Variants in HOXC5 observed in about 807,000 individuals in gnomAD.
HOXC5 encodes homeobox C5.
A neutral mutation model predicts 20.1 loss-of-function variants in HOXC5; 19 were observed. That is an observed-to-expected ratio of 0.94 (90% CI 0.66 to 1.38). The LOEUF is 1.38. Among genes scored for constraint, HOXC5 ranks in the 40% most tolerant of loss-of-function variants. The pLI, the probability that HOXC5 is intolerant of heterozygous loss-of-function variation, is 0.00. For synonymous variants in HOXC5, 124 were observed against 117.0 expected, an observed-to-expected ratio of 1.06 and a Z score of -0.39; for missense variants, 330 against 300.1, an observed-to-expected ratio of 1.10 and a Z score of -0.74.
At position 54,034,570 on chromosome 12, in the gene HOXC5, T is replaced by C; in HGVS notation, c.*78T>C. The stretch of plus-strand genomic sequence containing the variant: ...GCCTTTCCTTTTCGCCTTTCCTCTC[T>C]ATATTTCGGGTCGGGGGCAGGTGCT... On this transcript the variant is annotated 3_prime_UTR_variant, in exon 2 of 2. Coordinates refer to ENST00000312492, the MANE Select transcript of HOXC5 (RefSeq NM_018953.4). 1 of 1,257,284 alleles carries C rather than the reference T, an allele frequency of 8.0e-7. No individual in the cohort carries two copies. Among genetic ancestry groups the C allele is most frequent in the Non-Finnish European group, 1.1e-6 (1 of 884,026 alleles). 77.9% of individuals were successfully genotyped at this position (1,257,284 alleles called of 1,614,324 possible). A position where few individuals can be genotyped will look rare whatever the true frequency, so the allele number is the denominator to read the frequency against.
the HOXC5 span, among the ~76,000 whole-genome samples, chr12:54,023,080 C>A: frequency 6.6e-5 from 10 of 152,188 alleles, no homozygotes; most frequent in Non-Finnish European, 2.9e-5. Context: ...CATCTAAGCT[C>A]TCTCCCCATT....
rs1410369112 is a variant in HOXC5 at position 54,034,392 on chromosome 12, A to G, written c.569A>G (p.Asn190Ser). 17 of 1,614,120 alleles carry G rather than the reference A, an allele frequency of 1.1e-5. No individual in the cohort carries two copies. In the East Asian group the frequency reaches 3.3e-4, roughly 32 times the overall value. ...LTRRRRIEIA[N>S]NLCLNERQIK... is the part of the protein sequence containing the mutation. The stretch of plus-strand genomic sequence containing the variant: ...CGCCGCAGGCGCATAGAGATCGCCA[A>G]CAACTTGTGTCTCAATGAGAGACAG... Residue 190 changes from asparagine to serine, a missense_variant, in exon 2 of 2, where the codon AAC becomes AGC. By Grantham distance (46) the Asn-to-Ser change is conservative. Transcript: ENST00000312492.
chr12:54,034,223 G>A (rs1941113688), intron 1 of HOXC5, 55 bp from the exon 2 acceptor site: 1 of 1,490,794 alleles, frequency 6.7e-7, no homozygotes, highest in South Asian at 1.1e-5. Flanking sequence ...TGGGGACGGG[G>A]GAACGCTGCA....
Position 54,034,585 on chromosome 12 carries a change from G to C in HOXC5, c.*93G>C, listed in dbSNP as rs1277316557. 29 of 1,104,552 alleles carry C rather than the reference G, an allele frequency of 2.6e-5. No homozygotes were observed. The highest frequency in any genetic ancestry group is 3.7e-5 in the Non-Finnish European group (28 of 760,198). The allele number at this position is 1,104,552 out of a possible 1,614,324, so 68.4% of individuals were successfully genotyped here. On this transcript the variant is annotated 3_prime_UTR_variant, in exon 2 of 2. Coordinates refer to ENST00000312492, the MANE Select transcript of HOXC5 (RefSeq NM_018953.4). ...CTTTCCTCTCTATATTTCGGGTCGG[G>C]GGCAGGTGCTGGAGCACTGGGCTCC...
chr12:54,018,843 C>T, the HOXC5 span, among the ~76,000 whole-genome samples: 1 of 152,152 alleles, frequency 6.6e-6, no homozygotes, highest in Non-Finnish European at 1.5e-5. Flanking sequence ...CCCCCTCTAC[C>T]CCCACCCTCT....
chr12:54,034,275 C>A lies in HOXC5; in HGVS notation c.455-3C>A. ...CTGGCTTGGGGTGGGGTTTATGTTC[C>A]AGAGACGGACGGCAAGCGGTCCCGA... On this transcript the variant is annotated splice_region_variant and splice_polypyrimidine_tract_variant and intron_variant, in intron 1 of 1. Coordinates refer to ENST00000312492, the MANE Select transcript of HOXC5 (RefSeq NM_018953.4). 6.2e-7 allele frequency: 1 copy of A among 1,612,906 alleles called. No homozygotes were observed. Among genetic ancestry groups the A allele is most frequent in the Non-Finnish European group, 8.5e-7 (1 of 1,179,730 alleles).
the HOXC5 span, among the ~76,000 whole-genome samples, chr12:54,026,966 G>T: frequency 0.22 from 13,682 of 61,232 alleles, 784 homozygotes; most frequent in East Asian, 0.33. Flanking sequence ...AAAAATGGTG[G>T]GGGGGGGGGG....
upstream of HOXC5, chr12:54,030,143 C>A: frequency 1.7e-6 from 1 of 586,474 alleles, no homozygotes; most frequent in Non-Finnish European, 2.9e-6. Flanking sequence ...CACCGCACAA[C>A]TCTCTTTCAC....
At chr12:54,028,265 A>ATT (rs1422671421), upstream of HOXC5, 541 of 71,388 alleles carry the variant, frequency 7.6e-3, 2 homozygotes, top group African/African-American at 0.023. Context: ...ATATATATAT[A>ATT]TATTTTTTAA....
upstream of HOXC5, among the ~76,000 whole-genome samples, chr12:54,031,843 A>AC (rs1300604320): frequency 1.3e-5 from 2 of 152,094 alleles, no homozygotes; most frequent in Non-Finnish European, 2.9e-5. Context: ...TGCGAAGGCT[A>AC]CCCAGGCGCC....
At chr12:54,029,398 G>GCACCCACCC (rs1940882948), upstream of HOXC5, among the ~76,000 whole-genome samples, 1 of 65,394 alleles carries the variant, frequency 1.5e-5, no homozygotes, top group Non-Finnish European at 2.9e-5. Context: ...TTTGCCTTTT[G>GCACCCACCC]CCCCGCCCCC....
In HOXC5 at chr12:54,033,399, C is replaced by G. The variant is rs755599934; in HGVS notation, c.277C>G (p.Pro93Ala). 2 of 1,611,636 alleles carry G rather than the reference C, an allele frequency of 1.2e-6. No individual in the cohort carries two copies. The highest frequency in any genetic ancestry group is 2.2e-5 in the South Asian group (2 of 90,932). ...GHAPGRDEAAPLNPGMYSQKA... is the reference protein window; with the variant it reads ...GHAPGRDEAAALNPGMYSQKA... ...CGCTCCGGGCAGAGACGAAGCGGCTCCTCTGAACCCCGGGATGTACAGTCA... is the reference window on the plus strand; with the variant it reads ...CGCTCCGGGCAGAGACGAAGCGGCTGCTCTGAACCCCGGGATGTACAGTCA... Residue 93 changes from proline to alanine, a missense_variant, in exon 1 of 2, where the codon CCT becomes GCT. Physicochemically the swap from Pro to Ala is conservative, Grantham distance 27. Coordinates refer to ENST00000312492, the MANE Select transcript of HOXC5 (RefSeq NM_018953.4).
chr12:54,018,123 G>C, the HOXC5 span, among the ~76,000 whole-genome samples: 1 of 152,154 alleles, frequency 6.6e-6, no homozygotes, highest in Non-Finnish European at 1.5e-5. Context: ...TGGAAGGGTG[G>C]GAGGTGCCCT....
upstream of HOXC5, among the ~76,000 whole-genome samples, chr12:54,031,238 G>A (rs541070068): frequency 6.6e-6 from 1 of 152,358 alleles, no homozygotes; most frequent in South Asian, 2.1e-4. Flanking sequence ...CCACTCCCGG[G>A]AGTTGGAGGC....
At chr12:54,023,579 C>T in the HOXC5 span, among the ~76,000 whole-genome samples, 1 of 152,188 alleles carries the variant, frequency 6.6e-6, no homozygotes, top group Non-Finnish European at 1.5e-5. Flanking sequence ...GGGCAGTTCT[C>T]AGCAGCTTAA....
chr12:54,030,142 ACT>A (rs1940927740), upstream of HOXC5: 2 of 560,840 alleles, frequency 3.6e-6, no homozygotes, highest in Admixed American at 3.3e-5. Context: ...TCACCGCACA[ACT>A]CTCTTTCACC....
the HOXC5 span, among the ~76,000 whole-genome samples, chr12:54,026,404 T>C: frequency 5.9e-5 from 9 of 152,226 alleles, no homozygotes; most frequent in African/African-American, 1.9e-4. Context: ...GCAACTCACA[T>C]TGGTGTCTAT....
chr12:54,031,094 C>T (rs1005563317), upstream of HOXC5, among the ~76,000 whole-genome samples: 7 of 152,352 alleles, frequency 4.6e-5, no homozygotes, highest in East Asian at 7.7e-4. Flanking sequence ...GAGCTGGGAT[C>T]AGTCGGTTTG....
upstream of HOXC5, chr12:54,029,860 C>A (rs1940913981): frequency 1.2e-6 from 2 of 1,613,828 alleles, no homozygotes; most frequent in Non-Finnish European, 1.7e-6. Flanking sequence ...AATCTAATCT[C>A]ACATCCACTC....
Sources: allele counts gnomAD v4.1 joint callset (sites outside exome capture counted in the v4.1 genomes callset), GRCh38; gene constraint gnomAD v4.1.1; transcripts MANE v1.5; gene names NCBI Gene and HGNC (gene_info 2026-07-23, HGNC 2026-07-21).